Variants in FUT9 observed in about 807,000 individuals in gnomAD.
The protein encoded by FUT9 is fucosyltransferase 9, also known as 4-galactosyl-N-acetylglucosaminide 3-alpha-L-fucosyltransferase 9.
A neutral mutation model predicts 29.7 loss-of-function variants in FUT9; 15 were observed. The ratio of observed to expected loss-of-function variants is 0.51; its 90% CI spans 0.34 to 0.78. FUT9 has a LOEUF of 0.78. Ranked by LOEUF, FUT9 falls within the 30% of genes least tolerant of loss-of-function variation. The pLI, the probability that FUT9 is intolerant of heterozygous loss-of-function variation, is 0.01. For missense variants in FUT9, 319 were observed against 425.4 expected, an observed-to-expected ratio of 0.75 and a Z score of 2.20; for synonymous variants, 169 against 153.7, an observed-to-expected ratio of 1.10 and a Z score of -0.74.
At chr6:96,022,917 G>A (rs1161526396) in intron 1 of FUT9, among the ~76,000 whole-genome samples, 1 of 151,712 alleles carries the variant, frequency 6.6e-6, no homozygotes, top group African/African-American at 2.4e-5. Context: ...AATCCCAAAG[G>A]GCTCCTGTGA....
At chr6:96,027,351 T>C (rs574211717) in intron 1 of FUT9, among the ~76,000 whole-genome samples, 1 of 151,860 alleles carries the variant, frequency 6.6e-6, no homozygotes, top group South Asian at 2.1e-4. Flanking sequence ...GCCTTTCTTC[T>C]TTTTCAAAGA....
chr6:96,104,660 A>G (rs150732723), intron 1 of FUT9, among the ~76,000 whole-genome samples: 1 of 152,014 alleles, frequency 6.6e-6, no homozygotes, highest in Non-Finnish European at 1.5e-5. Context: ...CCTCCCGAGT[A>G]GCTGGGATTA....
chr6:96,114,973 G>A (rs1373036938), intron 2 of FUT9, among the ~76,000 whole-genome samples: 7 of 152,104 alleles, frequency 4.6e-5, no homozygotes, highest in Admixed American at 3.3e-4. Context: ...ACCTAGAATC[G>A]CTTCTCAAGC....
intron 2 of FUT9, among the ~76,000 whole-genome samples, chr6:96,143,545 CCCATCCCCTCCCTTTTCTCCTTTCCTT>C (rs1772505327): frequency 6.6e-6 from 1 of 151,908 alleles, no homozygotes. Context: ...CTCCTTTCCT[CCCATCCCCTCCCTTTTCTCCTTTCCTT>C]CTTCTTATTT....
chr6:96,092,297 G>C (rs1771424301), intron 1 of FUT9, among the ~76,000 whole-genome samples: 1 of 152,038 alleles, frequency 6.6e-6, no homozygotes, highest in Non-Finnish European at 1.5e-5. Context: ...CAGTCAATTG[G>C]AGAATGATAC....
At chr6:96,046,658 C>T (rs1053402943) in intron 1 of FUT9, among the ~76,000 whole-genome samples, 5 of 151,656 alleles carry the variant, frequency 3.3e-5, no homozygotes, top group Non-Finnish European at 4.4e-5. Flanking sequence ...TGTGAACATA[C>T]AAGCTTTGTA....
At chr6:96,127,556 A>C (rs1772156523) in intron 2 of FUT9, among the ~76,000 whole-genome samples, 1 of 152,174 alleles carries the variant, frequency 6.6e-6, no homozygotes, top group African/African-American at 2.4e-5. Flanking sequence ...TTATATATCC[A>C]GTAATGGGAT....
intron 2 of FUT9, among the ~76,000 whole-genome samples, chr6:96,158,580 T>C (rs6571085): frequency 0.16 from 24,089 of 152,062 alleles, 2,116 homozygotes; most frequent in African/African-American, 0.19. Context: ...CTTAATCACT[T>C]CTTTGGTGAT....
At chr6:96,183,015 TAAA>T (rs372842175) in intron 2 of FUT9, among the ~76,000 whole-genome samples, 77 of 152,246 alleles carry the variant, frequency 5.1e-4, no homozygotes, top group African/African-American at 1.8e-3. Context: ...ATTGAATTTT[TAAA>T]TTGTTTTTGG....
At chr6:96,054,149 G>A (rs1049224237) in intron 1 of FUT9, among the ~76,000 whole-genome samples, 2 of 152,036 alleles carry the variant, frequency 1.3e-5, no homozygotes, top group Non-Finnish European at 2.9e-5. Context: ...TTTGGCCCAG[G>A]GATTTTGTCC....
chr6:96,042,674 T>C (rs921553617), intron 1 of FUT9, among the ~76,000 whole-genome samples: 15 of 152,166 alleles, frequency 9.9e-5, no homozygotes, highest in Non-Finnish European at 1.9e-4. Context: ...AAATCTTAGA[T>C]ACAATGAAGC....
chr6:96,169,682 G>C (rs779513458), intron 2 of FUT9, among the ~76,000 whole-genome samples: 2 of 151,884 alleles, frequency 1.3e-5, no homozygotes, highest in African/African-American at 2.4e-5. Context: ...AAAGTACTTC[G>C]GCAGTATAAT....
intron 2 of FUT9, among the ~76,000 whole-genome samples, chr6:96,128,135 G>T (rs957834397): frequency 6.6e-6 from 1 of 152,002 alleles, no homozygotes; most frequent in Non-Finnish European, 1.5e-5. Context: ...AAAATTAACA[G>T]ATTCAACTAC....
chr6:96,107,681 T>C (rs1771717731), intron 1 of FUT9, among the ~76,000 whole-genome samples: 3 of 152,228 alleles, frequency 2.0e-5, no homozygotes, highest in Admixed American at 6.5e-5. Context: ...GTATTTTAAG[T>C]TCTTAAGACA....
intron 2 of FUT9, among the ~76,000 whole-genome samples, chr6:96,181,896 C>A (rs1331927605): frequency 2.0e-5 from 3 of 152,068 alleles, no homozygotes; most frequent in South Asian, 2.1e-4. Flanking sequence ...CATTCATGTG[C>A]AAGTATCTTT....
intron 2 of FUT9, among the ~76,000 whole-genome samples, chr6:96,133,690 G>A (rs373161022): frequency 6.6e-6 from 1 of 151,736 alleles, no homozygotes; most frequent in Non-Finnish European, 1.5e-5. Context: ...TAAACTATTC[G>A]GTTAACCCCT....
At chr6:96,160,215 T>A (rs992709773) in intron 2 of FUT9, among the ~76,000 whole-genome samples, 14 of 152,154 alleles carry the variant, frequency 9.2e-5, no homozygotes, top group African/African-American at 3.1e-4. Context: ...AAACTGGGAA[T>A]TCCGAAATCT....
In FUT9 at chr6:96,173,110, C is replaced by T. The variant is rs1228609784; in HGVS notation, c.-8-30038C>T. On this transcript the variant is annotated intron_variant, in intron 2 of 2. Transcript: ENST00000302103. ...TTACACAGACACACATTATTCTGTC[C>T]AGTCACAATGGCATTTTTCCATTTC... 2.6e-5 allele frequency among the ~76,000 whole-genome samples: 4 copies of T among 152,020 alleles called. No individual in the cohort carries two copies. The East Asian group carries it at 7.7e-4, about 29-fold the overall frequency.
At chr6:96,167,281 A>G (rs917186307) in intron 2 of FUT9, among the ~76,000 whole-genome samples, 2 of 152,212 alleles carry the variant, frequency 1.3e-5, no homozygotes, top group Admixed American at 6.5e-5. Context: ...AAAGATCTTG[A>G]AAATGTCTAA....
Sources: allele counts gnomAD v4.1 joint callset (sites outside exome capture counted in the v4.1 genomes callset), GRCh38; gene constraint gnomAD v4.1.1; transcripts MANE v1.5; gene names NCBI Gene and HGNC (gene_info 2026-07-23, HGNC 2026-07-21).